Variants in ARMC3 observed in about 807,000 individuals in gnomAD.
ARMC3 encodes armadillo repeat-containing protein 3.
A neutral mutation model predicts 90.3 loss-of-function variants in ARMC3; 74 were observed. The ratio of observed to expected loss-of-function variants is 0.82; its 90% CI spans 0.68 to 0.99. The LOEUF (loss-of-function observed/expected upper bound fraction) is 0.99, where lower values mean the gene tolerates loss of function less well. Among genes scored for constraint, ARMC3 ranks in the 50% least tolerant of loss-of-function variants. ARMC3 has a pLI of 0.00. For synonymous variants in ARMC3, 334 were observed against 361.8 expected, an observed-to-expected ratio of 0.92 and a Z score of 0.87; for missense variants, 958 against 1,042.8, an observed-to-expected ratio of 0.92 and a Z score of 1.12.
intron 7 of ARMC3, among the ~76,000 whole-genome samples, 199 bp downstream of exon 7, chr10:22,962,277 G>A (rs538686906): frequency 1.3e-5 from 2 of 152,234 alleles, no homozygotes; most frequent in Admixed American, 1.3e-4. Context: ...TTCTAGTTTA[G>A]CAGACTTAAG....
At chr10:23,007,976 T>C (rs1837707591) in intron 14 of ARMC3, among the ~76,000 whole-genome samples, 1 of 152,064 alleles carries the variant, frequency 6.6e-6, no homozygotes, top group African/African-American at 2.4e-5. Context: ...TGGTAGCACA[T>C]GCCTGTAGTC....
chr10:22,946,325 G>C (rs1478271972), intron 3 of ARMC3, 64 bp downstream of exon 3: 2 of 1,134,310 alleles, frequency 1.8e-6, no homozygotes, highest in Non-Finnish European at 2.6e-6. Flanking sequence ...ACTACCTCTT[G>C]GGCACTTTTC....
intron 8 of ARMC3, among the ~76,000 whole-genome samples, chr10:22,974,674 G>A (rs999188791): frequency 8.0e-5 from 12 of 150,906 alleles, no homozygotes; most frequent in African/African-American, 1.5e-4. Context: ...ACTGAGTCTC[G>A]CTCTGTTGCC....
chr10:22,991,912 T>C (rs1836728920), intron 10 of ARMC3, among the ~76,000 whole-genome samples: 1 of 152,218 alleles, frequency 6.6e-6, no homozygotes, highest in South Asian at 2.1e-4. Context: ...TTGACAGATA[T>C]GTAAATACGC....
intron 10 of ARMC3, among the ~76,000 whole-genome samples, chr10:22,984,527 T>C (rs1588879459): frequency 6.6e-6 from 1 of 152,200 alleles, no homozygotes; most frequent in Non-Finnish European, 1.5e-5. Context: ...AATTAATTTA[T>C]AGTCTAATGT....
intron 16 of ARMC3, among the ~76,000 whole-genome samples, chr10:23,022,553 A>C (rs1333873167): frequency 2.0e-5 from 3 of 152,186 alleles, no homozygotes; most frequent in Non-Finnish European, 4.4e-5. Context: ...AAGGCCCCCC[A>C]GCCTAGCAAC....
At chr10:23,022,776 G>A (rs1588934520) in intron 16 of ARMC3, among the ~76,000 whole-genome samples, 1 of 152,172 alleles carries the variant, frequency 6.6e-6, no homozygotes, top group Admixed American at 6.5e-5. Flanking sequence ...CCTAGACACA[G>A]CAAGTATACC....
At chr10:22,935,640 C>T (rs2131136558) in intron 2 of ARMC3, among the ~76,000 whole-genome samples, 1 of 151,762 alleles carries the variant, frequency 6.6e-6, no homozygotes, top group African/African-American at 2.4e-5. Flanking sequence ...ACTTCTTTTC[C>T]CATCTTTCTC....
chr10:22,974,096 G>A (rs916622128), intron 8 of ARMC3, among the ~76,000 whole-genome samples: 4 of 152,014 alleles, frequency 2.6e-5, no homozygotes, highest in Admixed American at 6.6e-5. Flanking sequence ...TTCACTTTAT[G>A]TTTTTTATCC....
intron 7 of ARMC3, among the ~76,000 whole-genome samples, chr10:22,963,603 A>C (rs1835297000): frequency 6.6e-6 from 1 of 151,900 alleles, no homozygotes. Context: ...AAAGACTAAC[A>C]AACTGGGGCC....
At position 23,002,023 on chromosome 10, in the gene ARMC3, C is replaced by T. The variant is rs12259839; in HGVS notation, c.1530C>T (p.Asp510=). 0.056 allele frequency: 90,466 copies of T among 1,613,624 alleles called. 3,034 individuals carry two copies. Among genetic ancestry groups the T allele is most frequent in the African/African-American group, 0.14 (10,461 of 74,972 alleles). The change falls in exon 12 of 19, where the codon GAC becomes GAT. Residue 510 remains aspartate, a synonymous_variant. Coordinates refer to ENST00000298032, the MANE Select transcript of ARMC3 (RefSeq NM_173081.5). The part of the protein sequence containing the change: ...ASWAVMVCAG[D]ELTANELCRL... ...GGGCAGTGATGGTCTGTGCTGGTGACGAGCTGACGGCCAATGAATTATGCA... is the reference window on the plus strand; with the variant it reads ...GGGCAGTGATGGTCTGTGCTGGTGATGAGCTGACGGCCAATGAATTATGCA...
intron 16 of ARMC3, among the ~76,000 whole-genome samples, chr10:23,021,059 T>C (rs1360254286): frequency 3.3e-5 from 5 of 152,126 alleles, no homozygotes; most frequent in Non-Finnish European, 7.4e-5. Flanking sequence ...TGAGAACATG[T>C]GGTATTTGGT....
At chr10:23,001,179 A>G (rs1166697011) in intron 11 of ARMC3, among the ~76,000 whole-genome samples, 1 of 152,112 alleles carries the variant, frequency 6.6e-6, no homozygotes, top group Non-Finnish European at 1.5e-5. Flanking sequence ...ATCCAGCCTC[A>G]ATCTTAGGGA....
Position 23,037,426 on chromosome 10 carries a change from G to A in ARMC3, c.2566G>A (p.Gly856Ser). ...MYVIDLMFHP[G>S]GLMKLRSREA... ...CGTGATTGACCTCATGTTCCATCCA[G>A]GTGGACTGATGAAGTTGAGAAGTCG... The change falls in exon 19 of 19, where the codon GGT becomes AGT. Residue 856 changes from glycine (G) to serine (S), a missense_variant. Transcript: ENST00000298032. The A allele has an allele frequency of 6.2e-7, 1 of 1,614,086 alleles. No individual in the cohort carries two copies. The highest frequency in any genetic ancestry group is 8.5e-7 in the Non-Finnish European group (1 of 1,179,940).
At chr10:23,005,554 G>C (rs1157237687) in intron 13 of ARMC3, among the ~76,000 whole-genome samples, 1 of 152,102 alleles carries the variant, frequency 6.6e-6, no homozygotes, top group African/African-American at 2.4e-5. Context: ...TGAAATAAAT[G>C]ATATCCCAGG....
intron 11 of ARMC3, among the ~76,000 whole-genome samples, 154 bp from the exon 12 acceptor site, chr10:23,001,765 C>G (rs2131422582): frequency 6.6e-6 from 1 of 152,324 alleles, no homozygotes; most frequent in African/African-American, 2.4e-5. Flanking sequence ...ATAGATTTTT[C>G]ACCCCTGAAT....
chr10:22,999,041 G>A (rs1837157947), intron 11 of ARMC3, among the ~76,000 whole-genome samples: 2 of 152,174 alleles, frequency 1.3e-5, no homozygotes, highest in Admixed American at 1.3e-4. Flanking sequence ...TAGGGGTTCG[G>A]TGTCATTGAA....
At chr10:22,991,435 TTTTTTTGTTTTTTC>T (rs1836704147) in intron 10 of ARMC3, among the ~76,000 whole-genome samples, 1 of 152,136 alleles carries the variant, frequency 6.6e-6, no homozygotes, top group Non-Finnish European at 1.5e-5. Context: ...ACTGTAGGTT[TTTTTTTGTTTTTTC>T]TTTTTTGTTT....
chr10:22,968,130 C>T (rs1835519399), intron 7 of ARMC3, among the ~76,000 whole-genome samples, 176 bp from the exon 8 acceptor site: 1 of 152,172 alleles, frequency 6.6e-6, no homozygotes, highest in African/African-American at 2.4e-5. Flanking sequence ...AGACAGGGCA[C>T]ATGGCCAAGA....
Sources: allele counts gnomAD v4.1 joint callset (sites outside exome capture counted in the v4.1 genomes callset), GRCh38; gene constraint gnomAD v4.1.1; transcripts MANE v1.5; gene names NCBI Gene and HGNC (gene_info 2026-07-23, HGNC 2026-07-21).